MAPT: variants seen among roughly 807,000 people sequenced by gnomAD.
MAPT encodes the protein microtubule associated protein tau, also known as microtubule-associated protein tau.
A neutral mutation model predicts 67.9 loss-of-function variants in MAPT; 34 were observed. The observed-to-expected ratio is 0.50, with a 90% CI of 0.38 to 0.67. The LOEUF is 0.67. Ranked by LOEUF, MAPT falls within the 30% of genes least tolerant of loss-of-function variation. MAPT has a pLI of 0.00. For synonymous variants in MAPT, 456 were observed against 464.5 expected (o/e 0.98, Z 0.23); for missense variants, 881 against 1,115.2 (o/e 0.79, Z 2.99).
At chr17:45,912,756 T>C (rs1015306366) in intron 1 of MAPT, among the ~76,000 whole-genome samples, 1 of 152,196 alleles carries the variant, frequency 6.6e-6, no homozygotes, top group African/African-American at 2.4e-5. Context: ...ACCAAAAATA[T>C]TACTTGTTGT....
rs772857557 is a variant in MAPT, at chr17:45,983,866, C to T, written c.1287C>T (p.Pro429=). 4 of 1,599,840 alleles carry T rather than the reference C, an allele frequency of 2.5e-6. No homozygotes were observed. Among genetic ancestry groups the T allele is most frequent in the South Asian group, 1.1e-5 (1 of 89,138 alleles). Residue 429 remains proline (P), a synonymous_variant, in exon 5 of 13, where the codon CCC becomes CCT. Transcript: ENST00000262410. ...CAAAAGAGGCTGACCTTCCAGAGCCCTCTGAAAAGCAGCCTGCTGCTGCTC... is the reference window on the plus strand; with the variant it reads ...CAAAAGAGGCTGACCTTCCAGAGCCTTCTGAAAAGCAGCCTGCTGCTGCTC... ...EDTKEADLPE[P]SEKQPAAAPR...
At chr17:45,941,920 T>C (rs1351343172) in intron 1 of MAPT, among the ~76,000 whole-genome samples, 1 of 152,072 alleles carries the variant, frequency 6.6e-6, no homozygotes, top group Non-Finnish European at 1.5e-5. Flanking sequence ...GTTTTCTTCC[T>C]GATCCAAATT....
At chr17:45,908,504 A>T (rs2064493541) in intron 1 of MAPT, 1 of 152,092 alleles carries the variant, frequency 6.6e-6, no homozygotes, top group Non-Finnish European at 1.5e-5. Flanking sequence ...CTGAGTCTGT[A>T]TTTTCTAGTC....
At chr17:45,936,963 A>T (rs1251865127) in intron 1 of MAPT, among the ~76,000 whole-genome samples, 1 of 152,062 alleles carries the variant, frequency 6.6e-6, no homozygotes, top group Non-Finnish European at 1.5e-5. Flanking sequence ...CTGGGAGAGG[A>T]TGGCTCTTCT....
At chr17:45,986,564 C>T (rs1166565351) in intron 5 of MAPT, among the ~76,000 whole-genome samples, 1 of 152,178 alleles carries the variant, frequency 6.6e-6, no homozygotes, top group Non-Finnish European at 1.5e-5. Context: ...GCACCCACCC[C>T]CATCCTTGGA....
chr17:45,948,233 T>C (rs956060129), intron 1 of MAPT, among the ~76,000 whole-genome samples: 3 of 152,164 alleles, frequency 2.0e-5, no homozygotes, highest in Non-Finnish European at 4.4e-5. Context: ...CTCGAACTCC[T>C]GGCCTCAAGT....
chr17:45,935,271 C>T (rs1176454215), intron 1 of MAPT, among the ~76,000 whole-genome samples: 1 of 152,086 alleles, frequency 6.6e-6, no homozygotes, highest in African/African-American at 2.4e-5. Context: ...GCTCTCTTCC[C>T]TCCTCCCCTC....
chr17:45,911,776 A>AC (rs1568148479), intron 1 of MAPT, among the ~76,000 whole-genome samples: 2 of 141,200 alleles, frequency 1.4e-5, no homozygotes, highest in Non-Finnish European at 3.3e-5. Context: ...AAAAACAAAC[A>AC]AACAACAAAA....
chr17:45,965,423 C>A (rs1180853342), intron 2 of MAPT, among the ~76,000 whole-genome samples: 3 of 150,270 alleles, frequency 2.0e-5, no homozygotes, highest in African/African-American at 7.3e-5. Context: ...GAGTGAGACT[C>A]CGTCCTAAAA....
At chr17:45,993,217 A>G (rs2471737) in intron 8 of MAPT, among the ~76,000 whole-genome samples, 64,847 of 152,144 alleles carry the variant, frequency 0.43, 13,873 homozygotes, top group East Asian at 0.5. Context: ...CATGCCGTGC[A>G]GTGGCACCCC....
intron 1 of MAPT, among the ~76,000 whole-genome samples, chr17:45,918,164 AC>A (rs1481442903): frequency 2.6e-5 from 4 of 152,120 alleles, no homozygotes; most frequent in African/African-American, 7.2e-5. Context: ...CACTATTAGC[AC>A]AAAAACTGCT....
intron 1 of MAPT, among the ~76,000 whole-genome samples, chr17:45,959,471 C>T (rs931326884): frequency 1.3e-5 from 2 of 152,152 alleles, no homozygotes; most frequent in Non-Finnish European, 1.5e-5. Context: ...TCAACAAGCC[C>T]GATCTTGTTT....
At position 45,989,881 on chromosome 17, in the gene MAPT, T is replaced by C. The variant is rs766581163; in HGVS notation, c.1411T>C (p.Ser471Pro). 2.5e-6 allele frequency: 4 copies of C among 1,613,896 alleles called. No homozygotes were observed. Among genetic ancestry groups the C allele is most frequent in the Non-Finnish European group, 2.5e-6 (3 of 1,179,760 alleles). The change falls in exon 7 of 13, where the codon TCC (serine) becomes CCC (proline). Residue 471 changes from serine (S) to proline (P), a missense_variant. Physicochemically the swap from Ser to Pro is moderately conservative, Grantham distance 74 (BLOSUM62 -1). This residue lies in a region of MAPT where 687 missense variants were observed against 766.1 expected (regional missense o/e 0.90). Transcript: ENST00000262410. The part of the protein sequence containing the change: ...TGSDDKKAKT[S>P]TRSSAKTLKN... ...TTTATTTATGTTTATGTTTAAGACATCCACACGTTCCTCTGCTAAAACCTT... is the reference window on the plus strand; with the variant it reads ...TTTATTTATGTTTATGTTTAAGACACCCACACGTTCCTCTGCTAAAACCTT...
At chr17:45,993,059 G>A (rs940307939) in intron 8 of MAPT, among the ~76,000 whole-genome samples, 4 of 152,130 alleles carry the variant, frequency 2.6e-5, no homozygotes, top group African/African-American at 7.2e-5. Flanking sequence ...TTGGTGGCAC[G>A]GGCAGCCTAT....
chr17:45,991,054 C>T (rs1160624601), intron 7 of MAPT, among the ~76,000 whole-genome samples: 1 of 152,210 alleles, frequency 6.6e-6, no homozygotes, highest in Non-Finnish European at 1.5e-5. Context: ...TCTGGTGGAG[C>T]CAACCACCAT....
intron 9 of MAPT, among the ~76,000 whole-genome samples, chr17:45,999,002 G>A (rs545226496): frequency 2.0e-5 from 3 of 152,102 alleles, no homozygotes; most frequent in Non-Finnish European, 4.4e-5. Context: ...ATAACAAGCA[G>A]CACCCACAAG....
chr17:45,964,981 CT>C (rs2070888748), intron 2 of MAPT, among the ~76,000 whole-genome samples: 1 of 152,170 alleles, frequency 6.6e-6, no homozygotes, highest in Non-Finnish European at 1.5e-5. Flanking sequence ...AGCTGCCCCC[CT>C]GGCAGTTGGT....
chr17:45,900,200 A>G (rs1270545925), intron 1 of MAPT, among the ~76,000 whole-genome samples: 11 of 152,168 alleles, frequency 7.2e-5, no homozygotes, highest in Admixed American at 6.5e-4. Flanking sequence ...TGCAATAAGT[A>G]TTCCATTATA....
At chr17:45,917,155 T>C (rs1216145015) in intron 1 of MAPT, among the ~76,000 whole-genome samples, 1 of 152,228 alleles carries the variant, frequency 6.6e-6, no homozygotes, top group Non-Finnish European at 1.5e-5. Context: ...AAGAACTCTT[T>C]CCCTGCAGCC....
Sources: gnomAD v4.1 joint callset for allele counts (sites outside exome capture counted in the v4.1 genomes callset) on GRCh38, gnomAD v4.1.1 for gene constraint, gnomAD v4.1.1 regional missense constraint, MANE v1.5 for transcripts, NCBI Gene and HGNC (gene_info 2026-07-23, HGNC 2026-07-21) for gene names.